Variants in CDH20 observed in about 807,000 individuals in gnomAD.
The protein encoded by CDH20 is cadherin-20.
In CDH20, 29 loss-of-function variants were observed where a neutral mutation model predicts 74.2. The ratio of observed to expected loss-of-function variants is 0.39; its 90% CI spans 0.29 to 0.53. The LOEUF (loss-of-function observed/expected upper bound fraction) is 0.53, where lower values mean the gene tolerates loss of function less well. Ranked by LOEUF, CDH20 falls within the 20% of genes least tolerant of loss-of-function variation. The pLI is 0.69. For missense variants in CDH20, 988 were observed against 1,048.3 expected, an observed-to-expected ratio of 0.94 and a Z score of 0.79; for synonymous variants, 469 against 405.4, an observed-to-expected ratio of 1.16 and a Z score of -1.88.
chr18:61,477,472 A>C (rs1490131501), intron 1 of CDH20, among the ~76,000 whole-genome samples: 1 of 152,220 alleles, frequency 6.6e-6, no homozygotes, highest in Non-Finnish European at 1.5e-5. Flanking sequence ...GTTTTCTGCA[A>C]TTAAAAGGTG....
At chr18:61,467,557 C>G (rs1910003813) in intron 1 of CDH20, among the ~76,000 whole-genome samples, 1 of 152,146 alleles carries the variant, frequency 6.6e-6, no homozygotes, top group Admixed American at 6.6e-5. Flanking sequence ...GAAAAATTCA[C>G]TCCCTCCCTC....
chr18:61,466,340 C>A (rs146986085), intron 1 of CDH20, among the ~76,000 whole-genome samples: 327 of 152,210 alleles, frequency 2.1e-3, no homozygotes, highest in Non-Finnish European at 3.9e-3. Context: ...CAATAACTTA[C>A]AACATTTACA....
Position 61,358,964 on chromosome 18 carries a change from A to T in CDH20, c.-153+25137A>T, listed in dbSNP as rs1910593699. Among the ~76,000 whole-genome samples, 4 of 152,082 alleles carry T rather than the reference A, an allele frequency of 2.6e-5. No individual in the cohort carries two copies. The South Asian group carries it at 8.3e-4, about 32-fold the overall frequency. On this transcript the variant is annotated intron_variant, in intron 1 of 11. Coordinates refer to ENST00000262717, the MANE Select transcript of CDH20 (RefSeq NM_031891.4). ...GAGTGACTATATTCTGGGGTTTATTATTCACAATTGGTCTCACAACCTTCT... is the reference window on the plus strand; with the variant it reads ...GAGTGACTATATTCTGGGGTTTATTTTTCACAATTGGTCTCACAACCTTCT...
chr18:61,349,340 G>A (rs909698519), intron 1 of CDH20, among the ~76,000 whole-genome samples: 1 of 152,186 alleles, frequency 6.6e-6, no homozygotes, highest in East Asian at 1.9e-4. Context: ...ACTGTTAGCA[G>A]TTTGAAATTC....
chr18:61,543,453 C>T (rs545366381), intron 9 of CDH20, among the ~76,000 whole-genome samples: 1 of 152,290 alleles, frequency 6.6e-6, no homozygotes, highest in Admixed American at 6.5e-5. Flanking sequence ...TCTGTAACCC[C>T]CTCAGCCTGC....
At chr18:61,534,840 G>A (rs1397901933) in intron 7 of CDH20, among the ~76,000 whole-genome samples, 5 of 152,252 alleles carry the variant, frequency 3.3e-5, no homozygotes, top group Admixed American at 6.5e-5. Context: ...TCATAATAAT[G>A]TATTGTATAT....
At chr18:61,440,802 G>T (rs143434588) in intron 1 of CDH20, among the ~76,000 whole-genome samples, 309 of 152,258 alleles carry the variant, frequency 2.0e-3, no homozygotes, top group Non-Finnish European at 3.6e-3. Flanking sequence ...AACATGGGAT[G>T]GGGGAAGGGC....
In CDH20 at chr18:61,550,083, G is replaced by C. The variant is rs1333507027; in HGVS notation, c.1754G>C (p.Ser585Thr). 6.2e-7 allele frequency: 1 copy of C among 1,614,212 alleles called. No homozygotes were observed. ...LIADSGQPVLSSTGTLTIQVC... is the reference protein window; with the variant it reads ...LIADSGQPVLTSTGTLTIQVC... ...GCAGATAGCGGGCAGCCCGTGCTGA[G>C]CAGCACAGGCACACTGACCATCCAA... Residue 585 changes from serine to threonine, a missense_variant, in exon 11 of 12, where the codon AGC becomes ACC. This residue lies in a region of CDH20 where 613 missense variants were observed against 755.2 expected (regional missense o/e 0.81). Transcript: ENST00000262717.
chr18:61,550,162 C>T lies in CDH20; in HGVS notation c.1833C>T (p.Tyr611=). The change falls in exon 11 of 12, where the codon TAC becomes TAT. Residue 611 remains tyrosine, a synonymous_variant. Coordinates refer to ENST00000262717, the MANE Select transcript of CDH20 (RefSeq NM_031891.4). ...GHVMSCSPEA[Y]MLPVSLSRGA... ...TCATGTCCTGCAGCCCAGAGGCCTACATGCTCCCAGTCAGTTTGAGCCGGG... is the reference window on the plus strand; with the variant it reads ...TCATGTCCTGCAGCCCAGAGGCCTATATGCTCCCAGTCAGTTTGAGCCGGG... 1.2e-6 allele frequency: 2 copies of T among 1,614,180 alleles called. No individual in the cohort carries two copies.
chr18:61,464,773 A>G (rs1909909126), intron 1 of CDH20, among the ~76,000 whole-genome samples: 1 of 152,250 alleles, frequency 6.6e-6, no homozygotes, highest in Non-Finnish European at 1.5e-5. Context: ...CATTAGCATC[A>G]CAGTGAATAA....
chr18:61,406,825 A>G (rs1038246675), intron 1 of CDH20, among the ~76,000 whole-genome samples: 1 of 152,228 alleles, frequency 6.6e-6, no homozygotes, highest in Non-Finnish European at 1.5e-5. Flanking sequence ...TCAGCGGGAA[A>G]GAGTGTTGGG....
intron 7 of CDH20, among the ~76,000 whole-genome samples, chr18:61,529,975 C>T (rs552331014): frequency 2.6e-4 from 39 of 152,232 alleles, no homozygotes; most frequent in African/African-American, 9.4e-4. Flanking sequence ...AGGCCAGAGG[C>T]ACAGGGCAGG....
intron 1 of CDH20, among the ~76,000 whole-genome samples, chr18:61,355,282 GA>G (rs1910462463): frequency 6.6e-6 from 1 of 151,964 alleles, no homozygotes; most frequent in Non-Finnish European, 1.5e-5. Context: ...TTCAGAAGAA[GA>G]AAACACACTA....
chr18:61,359,493 A>G (rs1910617252), intron 1 of CDH20, among the ~76,000 whole-genome samples: 1 of 152,158 alleles, frequency 6.6e-6, no homozygotes, highest in African/African-American at 2.4e-5. Flanking sequence ...TTCATGACCA[A>G]TCTTCTAAGA....
chr18:61,427,751 T>C (rs1913120060), intron 1 of CDH20, among the ~76,000 whole-genome samples: 1 of 152,242 alleles, frequency 6.6e-6, no homozygotes, highest in African/African-American at 2.4e-5. Context: ...ACACTGTATG[T>C]AGCGCTAAAC....
chr18:61,495,994 C>T (rs9953406), intron 2 of CDH20, among the ~76,000 whole-genome samples: 74 of 150,918 alleles, frequency 4.9e-4, no homozygotes, highest in African/African-American at 1.7e-3. Context: ...TCCCTTTCCC[C>T]GCCTTCTTCC....
intron 5 of CDH20, among the ~76,000 whole-genome samples, chr18:61,503,722 C>T (rs1217015664): frequency 6.6e-6 from 1 of 152,138 alleles, no homozygotes; most frequent in Non-Finnish European, 1.5e-5. Context: ...GAGGACACAT[C>T]CTACACACAA....
At chr18:61,394,238 A>G (rs372905584) in intron 1 of CDH20, among the ~76,000 whole-genome samples, 26 of 152,258 alleles carry the variant, frequency 1.7e-4, no homozygotes, top group Non-Finnish European at 1.9e-4. Context: ...CAGAGCCCCT[A>G]ACACCACGGT....
intron 5 of CDH20, among the ~76,000 whole-genome samples, chr18:61,503,944 C>T (rs1460002827): frequency 6.6e-6 from 1 of 152,104 alleles, no homozygotes; most frequent in African/African-American, 2.4e-5. Flanking sequence ...ATTCCAGGCA[C>T]TATTCTATGA....
Sources: gnomAD v4.1 joint callset for allele counts (sites outside exome capture counted in the v4.1 genomes callset) on GRCh38, gnomAD v4.1.1 for gene constraint, gnomAD v4.1.1 regional missense constraint, MANE v1.5 for transcripts, NCBI Gene and HGNC (gene_info 2026-07-23, HGNC 2026-07-21) for gene names.